The following MKLN1 variants were observed in gnomAD, a reference collection of about 807,000 sequenced individuals.
The protein encoded by MKLN1 is muskelin.
A neutral mutation model predicts 99.0 loss-of-function variants in MKLN1; 18 were observed. The ratio of observed to expected loss-of-function variants is 0.18; its 90% CI spans 0.13 to 0.27. The LOEUF is 0.27. Among genes scored for constraint, MKLN1 ranks in the 10% least tolerant of loss-of-function variants. MKLN1 has a pLI of 1.00. For synonymous variants in MKLN1, 288 were observed against 293.2 expected (o/e 0.98, Z 0.18); for missense variants, 621 against 875.9 (o/e 0.71, Z 3.67).
intron 6 of MKLN1, among the ~76,000 whole-genome samples, chr7:131,404,933 C>CAAACAAACAAAA (rs1794656499): frequency 6.6e-6 from 1 of 152,000 alleles, no homozygotes; most frequent in Non-Finnish European, 1.5e-5. Context: ...TTAAAACAAA[C>CAAACAAACAAAA]AAACAAACAA....
intron 3 of MKLN1, among the ~76,000 whole-genome samples, chr7:131,261,213 C>T (rs140368883): frequency 5.9e-5 from 9 of 152,156 alleles, no homozygotes; most frequent in Non-Finnish European, 1.2e-4. Context: ...AGACAACCTA[C>T]AGAATGAGAG....
intron 1 of MKLN1, among the ~76,000 whole-genome samples, chr7:131,358,785 A>G (rs1030654685): frequency 1.3e-5 from 2 of 152,080 alleles, no homozygotes; most frequent in African/African-American, 4.8e-5. Context: ...GGTCCATTTC[A>G]TTTATGTTAT....
chr7:131,113,192 G>A (rs946992792), intron 1 of MKLN1, among the ~76,000 whole-genome samples: 3 of 152,176 alleles, frequency 2.0e-5, no homozygotes, highest in African/African-American at 7.2e-5. Context: ...AACCACACAA[G>A]GTGAATCTTG....
intron 3 of MKLN1, among the ~76,000 whole-genome samples, chr7:131,223,603 G>C (rs1797092919): frequency 6.6e-6 from 1 of 152,022 alleles, no homozygotes; most frequent in Non-Finnish European, 1.5e-5. Flanking sequence ...AATTCCCAAG[G>C]CCTCTGCCCA....
At chr7:131,321,084 T>C (rs1199433461) in intron 3 of MKLN1, among the ~76,000 whole-genome samples, 1 of 152,180 alleles carries the variant, frequency 6.6e-6, no homozygotes, top group African/African-American at 2.4e-5. Flanking sequence ...TTACTGGATA[T>C]ACACCAAAAG....
At chr7:131,235,465 T>C (rs550215967) in intron 3 of MKLN1, among the ~76,000 whole-genome samples, 2 of 152,262 alleles carry the variant, frequency 1.3e-5, no homozygotes. Flanking sequence ...AGAAACAAAT[T>C]TAAAAGTTCA....
At chr7:131,320,357 G>C (rs572956383) in intron 3 of MKLN1, among the ~76,000 whole-genome samples, 28 of 152,254 alleles carry the variant, frequency 1.8e-4, no homozygotes, top group Admixed American at 1.4e-3. Flanking sequence ...AAATGGTGCT[G>C]GGAAAACTAG....
chr7:131,194,590 C>T (rs1796615020), intron 2 of MKLN1, among the ~76,000 whole-genome samples: 1 of 152,182 alleles, frequency 6.6e-6, no homozygotes, highest in Non-Finnish European at 1.5e-5. Flanking sequence ...TAACCTTTGG[C>T]CAGACCCAGT....
rs58800874 is a variant in MKLN1 at position 131,202,146 on chromosome 7, C to CTTTTTTTTTTTTTTTTTTTTTT, written c.-296-700_-296-679dup. Among the ~76,000 whole-genome samples, 4 of 60,272 alleles carry CTTTTTTTTTTTTTTTTTTTTTT rather than the reference C, an allele frequency of 6.6e-5. 2 individuals are homozygous for CTTTTTTTTTTTTTTTTTTTTTT. The highest frequency in any genetic ancestry group is 1.3e-4 in the Non-Finnish European group (4 of 31,388). 39.5% of individuals were successfully genotyped at this position (60,272 alleles called of 152,430 possible). A position where few individuals can be genotyped will look rare whatever the true frequency, so the allele number is the denominator to read the frequency against. On this transcript the variant is annotated intron_variant, in intron 2 of 7. Coordinates refer to the MKLN1 transcript ENST00000416992. Reference sequence around the variant, plus strand: ...GGTTTCTCCACTTTGGCACTATTGACTTTTTTTTTTTTTTTTTTTTTTTTT... The same window carrying CTTTTTTTTTTTTTTTTTTTTTT: ...GGTTTCTCCACTTTGGCACTATTGACTTTTTTTTTTTTTTTTTTTTTTTTTTTTTTTTTTTTTTTTTTTTTTT...
intron 3 of MKLN1, among the ~76,000 whole-genome samples, chr7:131,270,057 G>A (rs539137135): frequency 6.6e-6 from 1 of 151,634 alleles, no homozygotes; most frequent in Non-Finnish European, 1.5e-5. Flanking sequence ...CCGAGTAGCT[G>A]GGACTACAGG....
intron 1 of MKLN1, among the ~76,000 whole-genome samples, chr7:131,347,278 T>C (rs959782343): frequency 2.0e-5 from 3 of 152,052 alleles, no homozygotes; most frequent in Non-Finnish European, 4.4e-5. Context: ...GTCAAGAGAG[T>C]AAGTGCAAAA....
intron 10 of MKLN1, among the ~76,000 whole-genome samples, chr7:131,442,891 AAATT>A (rs1268323369): frequency 6.6e-6 from 1 of 152,246 alleles, no homozygotes; most frequent in African/African-American, 2.4e-5. Context: ...AATTCAAAGA[AAATT>A]AAATAGTGCT....
rs555710814 is a variant in MKLN1 at position 131,172,551 on chromosome 7, G to A, written c.-297+29610G>A. Among the ~76,000 whole-genome samples, 181 of 152,098 alleles carry A rather than the reference G, an allele frequency of 1.2e-3. 4 individuals are homozygous for A. The Middle Eastern group carries it at 0.014, about 11-fold the overall frequency. ...AGGATGGTCTCAATCTCCTGACCTC[G>A]TGATCCACCTGCCTCGGCCTCCCAA... On this transcript the variant is annotated intron_variant, in intron 2 of 7. Transcript: ENST00000416992.
intron 3 of MKLN1, among the ~76,000 whole-genome samples, chr7:131,255,686 C>T (rs1432293234): frequency 6.6e-6 from 1 of 151,840 alleles, no homozygotes; most frequent in African/African-American, 2.4e-5. Flanking sequence ...TCAAGTAATT[C>T]TCCTGCCTCA....
At chr7:131,459,953 A>G (rs774533175) in intron 12 of MKLN1, among the ~76,000 whole-genome samples, 6 of 151,846 alleles carry the variant, frequency 4.0e-5, no homozygotes, top group East Asian at 3.9e-4. Context: ...CATAATTTCT[A>G]TCTTTTTGCT....
At chr7:131,357,789 G>GT (rs773786407) in intron 1 of MKLN1, among the ~76,000 whole-genome samples, 1 of 151,840 alleles carries the variant, frequency 6.6e-6, no homozygotes, top group Non-Finnish European at 1.5e-5. Flanking sequence ...GGCTCATCTT[G>GT]TTTATTTTCT....
intron 12 of MKLN1, among the ~76,000 whole-genome samples, chr7:131,455,607 G>A (rs747983963): frequency 5.3e-5 from 8 of 152,134 alleles, no homozygotes; most frequent in African/African-American, 9.7e-5. Flanking sequence ...TTGTGAGTCA[G>A]TTTCTAAACT....
intron 6 of MKLN1, among the ~76,000 whole-genome samples, chr7:131,406,018 C>T (rs994765462): frequency 2.6e-5 from 4 of 152,034 alleles, no homozygotes; most frequent in Non-Finnish European, 4.4e-5. Flanking sequence ...TAACACTTTC[C>T]ACTATGATCA....
chr7:131,232,830 A>G (rs1444191720), intron 3 of MKLN1, among the ~76,000 whole-genome samples: 1 of 152,088 alleles, frequency 6.6e-6, no homozygotes, highest in African/African-American at 2.4e-5. Context: ...TGGGTGACAG[A>G]GGGAGACCCC....
Sources: gnomAD v4.1 joint callset for allele counts (sites outside exome capture counted in the v4.1 genomes callset) on GRCh38, gnomAD v4.1.1 for gene constraint, MANE v1.5 for transcripts, NCBI Gene and HGNC (gene_info 2026-07-23, HGNC 2026-07-21) for gene names.